The following VRK1 variants were observed in gnomAD, a reference collection of about 807,000 sequenced individuals.
The protein encoded by VRK1 is VRK serine/threonine kinase 1.
In VRK1, 33 loss-of-function variants were observed where a neutral mutation model predicts 57.1. The ratio of observed to expected loss-of-function variants is 0.58; its 90% CI spans 0.44 to 0.77. The LOEUF is 0.77. Among genes scored for constraint, VRK1 ranks in the 30% least tolerant of loss-of-function variants. The probability of loss-of-function intolerance (pLI) is 0.00; values close to 1 mark genes in which losing one functional copy is unlikely to be tolerated. For synonymous variants in VRK1, 137 were observed against 147.8 expected (o/e 0.93, Z 0.53); for missense variants, 413 against 477.3 (o/e 0.87, Z 1.25).
intron 1 of VRK1, among the ~76,000 whole-genome samples, chr14:96,802,569 C>T (rs1190402068): frequency 6.6e-6 from 1 of 152,086 alleles, no homozygotes; most frequent in East Asian, 1.9e-4. Context: ...GCAGAACAGA[C>T]CGGTTTTGCT....
chr14:96,847,199 A>G, intron 4 of VRK1, 58 bp from the exon 5 acceptor site: 1 of 1,450,822 alleles, frequency 6.9e-7, no homozygotes, highest in Non-Finnish European at 9.6e-7. Context: ...ATGATTTTTT[A>G]AAAAATTATC....
rs369334049 is a variant in VRK1, at chr14:96,853,056, T to G, written c.484-18T>G. 22 of 1,613,150 alleles carry G rather than the reference T, an allele frequency of 1.4e-5. No homozygotes were observed. The East Asian group carries it at 3.6e-4, about 26-fold the overall frequency. On this transcript the variant is annotated intron_variant, in intron 6 of 12. Coordinates refer to ENST00000216639, the MANE Select transcript of VRK1 (RefSeq NM_003384.3). ...TGTTAGGTACTGCATTAACTTATTC[T>G]GTATGATACTTTCATAGCTGGATAT...
intron 1 of VRK1, among the ~76,000 whole-genome samples, chr14:96,821,821 C>T (rs1247010693): frequency 1.3e-5 from 2 of 152,196 alleles, no homozygotes; most frequent in Non-Finnish European, 2.9e-5. Context: ...CATTGCTCTC[C>T]CCTGGCTAAT....
chr14:96,830,788 A>G (rs1225519328), intron 1 of VRK1, among the ~76,000 whole-genome samples: 3 of 152,194 alleles, frequency 2.0e-5, no homozygotes, highest in Admixed American at 2.0e-4. Context: ...GTCATTCTCT[A>G]GATCCCACTC....
At chr14:96,805,984 C>CT (rs368273142) in intron 1 of VRK1, among the ~76,000 whole-genome samples, 1,911 of 126,356 alleles carry the variant, frequency 0.015, 31 homozygotes, top group African/African-American at 0.038. Context: ...GAGAATTTTT[C>CT]TTTTTTTTTT....
At chr14:96,833,061 G>A (rs1025027032) in intron 1 of VRK1, among the ~76,000 whole-genome samples, 8 of 152,062 alleles carry the variant, frequency 5.3e-5, no homozygotes, top group Admixed American at 5.2e-4. Context: ...TTCAATCTCT[G>A]CACTGTGTTC....
In VRK1 at chr14:96,877,787, AC is replaced by A. The variant is rs1197013551; in HGVS notation, c.1159+1668del. 9.4e-5 allele frequency: 58 copies of A among 616,264 alleles called. No individual in the cohort carries two copies. In the African/African-American group the frequency reaches 1.1e-3, roughly 12 times the overall value. The allele number at this position is 616,264 out of a possible 1,614,324, so 38.2% of individuals were successfully genotyped here. A position where few individuals can be genotyped will look rare whatever the true frequency, so the allele number is the denominator to read the frequency against. ...TGCCTGGACATCATTTGTTACCTGAACTTTGCTTAATGAGCATCAAGCGTTT... is the reference window on the plus strand; with the variant it reads ...TGCCTGGACATCATTTGTTACCTGAATTTGCTTAATGAGCATCAAGCGTTT... On this transcript the variant is annotated intron_variant, in intron 12 of 12. Coordinates refer to ENST00000216639, the MANE Select transcript of VRK1 (RefSeq NM_003384.3).
At chr14:96,799,643 C>T (rs1885578848) in intron 1 of VRK1, among the ~76,000 whole-genome samples, 1 of 152,214 alleles carries the variant, frequency 6.6e-6, no homozygotes, top group South Asian at 2.1e-4. Flanking sequence ...GTAGATCAGG[C>T]AGTGAGCCTA....
intron 11 of VRK1, among the ~76,000 whole-genome samples, chr14:96,867,865 A>G (rs1038424094): frequency 1.4e-4 from 22 of 152,228 alleles, no homozygotes; most frequent in African/African-American, 5.1e-4. Flanking sequence ...TATTGGTAAG[A>G]TAGCCTCTTA....
intron 11 of VRK1, among the ~76,000 whole-genome samples, chr14:96,873,693 A>G (rs1866995176): frequency 6.6e-6 from 1 of 152,240 alleles, no homozygotes; most frequent in Non-Finnish European, 1.5e-5. Context: ...AAGCATTTGG[A>G]AAGATTCAGA....
intron 11 of VRK1, among the ~76,000 whole-genome samples, chr14:96,865,770 T>C (rs1050405104): frequency 4.6e-5 from 7 of 152,024 alleles, no homozygotes; most frequent in Admixed American, 1.3e-4. Flanking sequence ...TGTTTTTTTT[T>C]TTTGGATTAT....
intron 1 of VRK1, among the ~76,000 whole-genome samples, chr14:96,828,471 T>G (rs1203722139): frequency 6.6e-6 from 1 of 152,194 alleles, no homozygotes; most frequent in Non-Finnish European, 1.5e-5. Flanking sequence ...CAAAATCTTA[T>G]TATGAAGTGA....
At chr14:96,861,814 A>G (rs79287766) in intron 11 of VRK1, among the ~76,000 whole-genome samples, 1,687 of 151,502 alleles carry the variant, frequency 0.011, 28 homozygotes, top group South Asian at 0.066. Flanking sequence ...TGTGGTCAAC[A>G]AGTGTGCTGA....
chr14:96,820,731 T>C (rs1886567868), intron 1 of VRK1, among the ~76,000 whole-genome samples: 1 of 152,218 alleles, frequency 6.6e-6, no homozygotes, highest in South Asian at 2.1e-4. Flanking sequence ...TAAGAATGTA[T>C]TATAATATCA....
At chr14:96,877,706 TTAAGTC>T (rs1378206359) in intron 12 of VRK1, 3 of 1,237,162 alleles carry the variant, frequency 2.4e-6, no homozygotes, top group Admixed American at 2.6e-5. Flanking sequence ...TTGACACTCA[TTAAGTC>T]TAAGGCAGAG....
chr14:96,871,524 C>G (rs921674999), intron 11 of VRK1, among the ~76,000 whole-genome samples: 2 of 152,150 alleles, frequency 1.3e-5, no homozygotes, highest in Non-Finnish European at 2.9e-5. Context: ...GTGCTTATAG[C>G]AAAACAAATA....
chr14:96,808,658 CTT>C (rs372103145), intron 1 of VRK1, among the ~76,000 whole-genome samples: 32 of 121,774 alleles, frequency 2.6e-4, no homozygotes, highest in Non-Finnish European at 2.5e-4. Context: ...GCCCTCTGGA[CTT>C]TTTTTTTTTT....
At chr14:96,826,528 T>C (rs1357848987) in intron 1 of VRK1, among the ~76,000 whole-genome samples, 2 of 152,232 alleles carry the variant, frequency 1.3e-5, no homozygotes, top group African/African-American at 4.8e-5. Flanking sequence ...AACTTTTTTT[T>C]CTTTGAAACC....
rs558802731 is a variant in VRK1 at position 96,797,703 on chromosome 14, G to C, written c.-6+256G>C. ...CCCCCGGGGATGCCTGGACTGGCCA[G>C]GCCGGCCCCCATCTGAGCTCCACGT... On this transcript the variant is annotated intron_variant, in intron 1 of 12. Coordinates refer to ENST00000216639, the MANE Select transcript of VRK1 (RefSeq NM_003384.3). Among the ~76,000 whole-genome samples, 285 of 152,274 alleles carry C rather than the reference G, an allele frequency of 1.9e-3. 1 individual carries two copies. Among genetic ancestry groups the C allele is most frequent in the African/African-American group, 6.3e-3 (264 of 41,576 alleles).
Sources: allele counts gnomAD v4.1 joint callset (sites outside exome capture counted in the v4.1 genomes callset), GRCh38; gene constraint gnomAD v4.1.1; transcripts MANE v1.5; gene names NCBI Gene and HGNC (gene_info 2026-07-23, HGNC 2026-07-21).